TCF12: variants seen among roughly 807,000 people sequenced by gnomAD.
TCF12 encodes the protein DNA-binding protein HTF4.
TCF12 carries 45 observed loss-of-function variants against 86.0 expected under a neutral mutation model. The observed-to-expected ratio is 0.52, with a 90% CI of 0.41 to 0.67. The LOEUF is 0.67. Ranked by LOEUF, TCF12 falls within the 30% of genes least tolerant of loss-of-function variation. The pLI is 0.00. For synonymous variants in TCF12, 330 were observed against 299.6 expected, an observed-to-expected ratio of 1.10 and a Z score of -1.05; for missense variants, 881 against 859.9, an observed-to-expected ratio of 1.02 and a Z score of -0.31.
intron 6 of TCF12, among the ~76,000 whole-genome samples, chr15:57,183,896 T>G (rs2056509368): frequency 6.6e-6 from 1 of 152,150 alleles, no homozygotes; most frequent in African/African-American, 2.4e-5. Context: ...TTCCAGAACA[T>G]GAGTATTTGT....
intron 3 of TCF12, among the ~76,000 whole-genome samples, chr15:56,925,270 G>A (rs1162736364): frequency 8.6e-5 from 3 of 34,880 alleles, no homozygotes; most frequent in Non-Finnish European, 1.9e-4. Flanking sequence ...CAACCCCGTA[G>A]TCATTGCTTA....
At chr15:56,961,495 A>G (rs1304291803) in intron 3 of TCF12, among the ~76,000 whole-genome samples, 3 of 152,248 alleles carry the variant, frequency 2.0e-5, no homozygotes, top group Admixed American at 2.0e-4. Context: ...ATAGTCCAGT[A>G]TCTAGCACAG....
chr15:56,919,781 C>A, intron 1 of TCF12, 111 bp from the exon 2 acceptor site: 1 of 927,418 alleles, frequency 1.1e-6, no homozygotes, highest in Non-Finnish European at 1.6e-6. Flanking sequence ...TCCTGGAAGT[C>A]ATCCCGGCGC....
chr15:57,209,132 C>G (rs1315709949), intron 8 of TCF12, among the ~76,000 whole-genome samples: 2 of 152,182 alleles, frequency 1.3e-5, no homozygotes, highest in Non-Finnish European at 2.9e-5. Context: ...TTTTATGTAT[C>G]TATAATAGGA....
intron 8 of TCF12, among the ~76,000 whole-genome samples, chr15:57,223,823 C>G (rs116048903): frequency 0.014 from 2,079 of 151,628 alleles, 52 homozygotes; most frequent in African/African-American, 0.044. Flanking sequence ...TGCTAGTTAA[C>G]ATGAGAGAAG....
chr15:57,042,787 ATC>A (rs1405794636), intron 3 of TCF12, among the ~76,000 whole-genome samples: 1 of 151,948 alleles, frequency 6.6e-6, no homozygotes, highest in African/African-American at 2.4e-5. Context: ...AAAAAATGAG[ATC>A]TGTCTTCTTA....
intron 6 of TCF12, among the ~76,000 whole-genome samples, chr15:57,170,256 G>A (rs998493848): frequency 6.6e-6 from 1 of 151,656 alleles, no homozygotes; most frequent in Non-Finnish European, 1.5e-5. Context: ...TGTTTGAGAA[G>A]GAGACAGGGA....
At chr15:57,039,180 C>G (rs1028926572) in intron 3 of TCF12, among the ~76,000 whole-genome samples, 2 of 152,140 alleles carry the variant, frequency 1.3e-5, no homozygotes, top group African/African-American at 2.4e-5. Flanking sequence ...ACATTGAAGG[C>G]TGTCTTCTGT....
At chr15:57,238,986 G>A (rs1194088228) in intron 12 of TCF12, among the ~76,000 whole-genome samples, 3 of 152,110 alleles carry the variant, frequency 2.0e-5, no homozygotes, top group African/African-American at 4.8e-5. Context: ...AGAAACAAGC[G>A]TTCTGAAAGG....
chr15:57,255,341 T>TA (rs1402412244), intron 16 of TCF12, among the ~76,000 whole-genome samples: 3 of 152,176 alleles, frequency 2.0e-5, no homozygotes, highest in Non-Finnish European at 4.4e-5. Context: ...AGAAGACTGT[T>TA]AGAGGGAAAA....
intron 4 of TCF12, among the ~76,000 whole-genome samples, chr15:57,075,562 A>T (rs541426440): frequency 8.3e-4 from 127 of 152,246 alleles, no homozygotes; most frequent in African/African-American, 2.8e-3. Flanking sequence ...TATGATAAGG[A>T]TGGCCTAGGG....
chr15:57,133,996 T>C (rs1315273118), intron 5 of TCF12, among the ~76,000 whole-genome samples: 1 of 152,256 alleles, frequency 6.6e-6, no homozygotes, highest in Non-Finnish European at 1.5e-5. Flanking sequence ...ATAATTGGAT[T>C]ATCAGAGTAC....
chr15:57,185,904 A>G (rs1254116227), intron 6 of TCF12, among the ~76,000 whole-genome samples: 1 of 152,150 alleles, frequency 6.6e-6, no homozygotes, highest in Non-Finnish European at 1.5e-5. Flanking sequence ...AAAGTAAACA[A>G]AAAGATCAAC....
chr15:56,963,216 A>C (rs1350690886), intron 3 of TCF12, among the ~76,000 whole-genome samples: 1 of 151,998 alleles, frequency 6.6e-6, no homozygotes, highest in Non-Finnish European at 1.5e-5. Context: ...GCATACAGAA[A>C]ATTTTTTCAA....
chr15:57,068,785 A>G (rs1246353636), intron 4 of TCF12, among the ~76,000 whole-genome samples: 1 of 152,158 alleles, frequency 6.6e-6, no homozygotes, highest in East Asian at 1.9e-4. Flanking sequence ...GTACTGTGTG[A>G]CCATGGGAAA....
intron 5 of TCF12, among the ~76,000 whole-genome samples, chr15:57,126,528 T>G (rs1428449802): frequency 2.6e-5 from 4 of 152,086 alleles, no homozygotes; most frequent in African/African-American, 9.7e-5. Flanking sequence ...AACAAAAAAC[T>G]AAAACCCTTC....
Position 56,983,728 on chromosome 15 carries a change from C to T in TCF12, c.148+62630C>T, listed in dbSNP as rs543972224. Reference sequence around the variant, plus strand: ...AGGATTTTGTTCAAGGGGCTAGGCACGGTGGCTCAAACCTGTAATCCCAGT... The same window carrying T: ...AGGATTTTGTTCAAGGGGCTAGGCATGGTGGCTCAAACCTGTAATCCCAGT... On this transcript the variant is annotated intron_variant, in intron 3 of 20. Coordinates refer to ENST00000333725, the MANE Select transcript of TCF12 (RefSeq NM_207037.2). Among the ~76,000 whole-genome samples, 10 of 151,970 alleles carry T rather than the reference C, an allele frequency of 6.6e-5. No homozygotes were observed. In the South Asian group the frequency reaches 1.2e-3, roughly 19 times the overall value.
Position 56,941,200 on chromosome 15 carries a change from A to G in TCF12, c.148+20102A>G, listed in dbSNP as rs149030310. On this transcript the variant is annotated intron_variant, in intron 3 of 20. Transcript: ENST00000333725. ...GGTAACATGGCGAAACCCTGCCTCTACAAAAAAATACAAAAATTAGCCAGG... is the reference window on the plus strand; with the variant it reads ...GGTAACATGGCGAAACCCTGCCTCTGCAAAAAAATACAAAAATTAGCCAGG... Among the ~76,000 whole-genome samples, 622 of 151,742 alleles carry G rather than the reference A, an allele frequency of 4.1e-3. 4 individuals carry two copies. The highest frequency in any genetic ancestry group is 0.014 in the African/African-American group (600 of 41,416).
At chr15:56,920,537 TAAA>T (rs2059744443) in intron 2 of TCF12, among the ~76,000 whole-genome samples, 2 of 150,608 alleles carry the variant, frequency 1.3e-5, no homozygotes, top group Non-Finnish European at 3.0e-5. Context: ...GGAAATGACT[TAAA>T]AACATCAACT....
Sources: allele counts gnomAD v4.1 joint callset (sites outside exome capture counted in the v4.1 genomes callset), GRCh38; gene constraint gnomAD v4.1.1; transcripts MANE v1.5; gene names NCBI Gene and HGNC (gene_info 2026-07-23, HGNC 2026-07-21).